Variants in CHCHD3 observed in about 807,000 individuals in gnomAD.
CHCHD3 encodes coiled-coil-helix-coiled-coil-helix domain containing 3.
CHCHD3 carries 20 observed loss-of-function variants against 38.2 expected under a neutral mutation model. The ratio of observed to expected loss-of-function variants is 0.52; its 90% confidence interval spans 0.37 to 0.76. The LOEUF (loss-of-function observed/expected upper bound fraction) is 0.76, where lower values mean the gene tolerates loss of function less well. CHCHD3 is among the 30% of genes least tolerant of loss of function. The pLI, the probability that CHCHD3 is intolerant of heterozygous loss-of-function variation, is 0.00. For missense variants in CHCHD3, 245 were observed against 279.2 expected (o/e 0.88, Z 0.87); for synonymous variants, 82 against 100.0 (o/e 0.82, Z 1.07).
intron 3 of CHCHD3, among the ~76,000 whole-genome samples, chr7:132,998,612 T>C (rs1812486939): frequency 6.6e-6 from 1 of 152,134 alleles, no homozygotes; most frequent in South Asian, 2.1e-4. Context: ...AAAATAACAA[T>C]GGGTAGTCTA....
chr7:132,875,989 C>T (rs185832498), intron 5 of CHCHD3, among the ~76,000 whole-genome samples: 1 of 152,292 alleles, frequency 6.6e-6, no homozygotes, highest in East Asian at 1.9e-4. Context: ...TGTGTTGAAA[C>T]GTAATCCTTA....
intron 4 of CHCHD3, among the ~76,000 whole-genome samples, chr7:132,912,272 T>C (rs1232833219): frequency 6.6e-6 from 1 of 152,194 alleles, no homozygotes; most frequent in Non-Finnish European, 1.5e-5. Flanking sequence ...AAGTGGAAGA[T>C]AATAGGGAAA....
chr7:132,804,162 C>T (rs79880543), intron 6 of CHCHD3, among the ~76,000 whole-genome samples: 1 of 152,056 alleles, frequency 6.6e-6, no homozygotes, highest in Non-Finnish European at 1.5e-5. Flanking sequence ...CAACCTAAGA[C>T]TTAATGAGAA....
chr7:132,962,606 T>C (rs992094927), intron 4 of CHCHD3, among the ~76,000 whole-genome samples: 1 of 152,222 alleles, frequency 6.6e-6, no homozygotes, highest in Non-Finnish European at 1.5e-5. Flanking sequence ...GCAAGTTGGA[T>C]GCCTGCTGCA....
intron 3 of CHCHD3, among the ~76,000 whole-genome samples, chr7:132,993,878 C>G (rs1812345732): frequency 6.6e-6 from 1 of 152,216 alleles, no homozygotes; most frequent in African/African-American, 2.4e-5. Flanking sequence ...TTCTGAGAAA[C>G]AGCAACTAGT....
chr7:132,972,847 A>G, intron 4 of CHCHD3: 1 of 985,138 alleles, frequency 1.0e-6, no homozygotes, highest in African/African-American at 1.7e-5. Context: ...ATCTGTAAAT[A>G]AGAGATCTAC....
intron 5 of CHCHD3, among the ~76,000 whole-genome samples, chr7:132,855,713 G>A (rs763195476): frequency 6.6e-6 from 1 of 152,070 alleles, no homozygotes; most frequent in Non-Finnish European, 1.5e-5. Context: ...AGTACACTAA[G>A]AGCCCTGCAG....
intron 4 of CHCHD3, among the ~76,000 whole-genome samples, chr7:132,932,613 G>T (rs1210230583): frequency 6.6e-6 from 1 of 152,162 alleles, no homozygotes; most frequent in African/African-American, 2.4e-5. Flanking sequence ...GCCGCACACA[G>T]GGCCTTCACG....
chr7:132,858,963 A>T (rs1808414659), intron 5 of CHCHD3, among the ~76,000 whole-genome samples: 1 of 152,206 alleles, frequency 6.6e-6, no homozygotes, highest in Admixed American at 6.5e-5. Context: ...ATAATTTACC[A>T]GGTCATTTGA....
At chr7:132,869,312 T>G (rs1022849091) in intron 5 of CHCHD3, among the ~76,000 whole-genome samples, 4 of 152,176 alleles carry the variant, frequency 2.6e-5, no homozygotes, top group Non-Finnish European at 5.9e-5. Flanking sequence ...AGAGCTAGAC[T>G]GCAATATTAC....
At chr7:132,986,963 C>T (rs764950125) in intron 3 of CHCHD3, among the ~76,000 whole-genome samples, 3 of 152,102 alleles carry the variant, frequency 2.0e-5, no homozygotes, top group Non-Finnish European at 2.9e-5. Flanking sequence ...AGAAGGTCTA[C>T]ACAATAAGAA....
intron 3 of CHCHD3, among the ~76,000 whole-genome samples, chr7:132,990,263 A>G (rs1041629360): frequency 6.6e-6 from 1 of 152,118 alleles, no homozygotes; most frequent in Admixed American, 6.5e-5. Flanking sequence ...GAAAATATCT[A>G]TACTCCTCCC....
intron 3 of CHCHD3, among the ~76,000 whole-genome samples, chr7:133,000,369 T>C (rs1379786722): frequency 2.0e-5 from 3 of 152,200 alleles, no homozygotes; most frequent in Non-Finnish European, 4.4e-5. Flanking sequence ...AAAAGGCATA[T>C]AGATGTTCAT....
chr7:132,925,736 C>T (rs994639223), intron 4 of CHCHD3, among the ~76,000 whole-genome samples: 4 of 152,276 alleles, frequency 2.6e-5, no homozygotes, highest in African/African-American at 9.6e-5. Context: ...AATACCACAT[C>T]GTACTTGTCC....
intron 4 of CHCHD3, among the ~76,000 whole-genome samples, chr7:132,905,034 G>A (rs974593585): frequency 3.7e-5 from 5 of 135,328 alleles, no homozygotes; most frequent in African/African-American, 1.4e-4. Flanking sequence ...TCATAGGTGG[G>A]AATTGAACAA....
chr7:132,917,822 G>A (rs1288946860), intron 4 of CHCHD3, among the ~76,000 whole-genome samples: 4 of 120,142 alleles, frequency 3.3e-5, no homozygotes, highest in Non-Finnish European at 4.8e-5. Context: ...TCGCGCCACT[G>A]CCCTCCAGCC....
At chr7:132,802,225 A>C (rs1806811178) in intron 6 of CHCHD3, among the ~76,000 whole-genome samples, 1 of 152,064 alleles carries the variant, frequency 6.6e-6, no homozygotes, top group Non-Finnish European at 1.5e-5. Context: ...CTAGGAGAGC[A>C]GGACTCTAAT....
intron 4 of CHCHD3, among the ~76,000 whole-genome samples, chr7:132,945,034 T>A (rs1470280811): frequency 6.6e-6 from 1 of 151,966 alleles, no homozygotes; most frequent in Non-Finnish European, 1.5e-5. Context: ...AGGTATACAA[T>A]CTAAAAATAA....
chr7:132,855,639 G>C (rs542037873), intron 5 of CHCHD3, among the ~76,000 whole-genome samples: 6 of 152,184 alleles, frequency 3.9e-5, no homozygotes, highest in African/African-American at 1.2e-4. Context: ...AGGTATAATG[G>C]CTCTCCCTCA....
Sources: allele counts gnomAD v4.1 joint callset (sites outside exome capture counted in the v4.1 genomes callset), GRCh38; gene constraint gnomAD v4.1.1; transcripts MANE v1.5; gene names NCBI Gene and HGNC (gene_info 2026-07-23, HGNC 2026-07-21).